Variants in SGCZ observed in about 807,000 individuals in gnomAD.
SGCZ encodes the protein sarcoglycan zeta.
In SGCZ, 40 loss-of-function variants were observed where a neutral mutation model predicts 41.3. That is an observed-to-expected ratio of 0.97 (90% CI 0.75 to 1.26). SGCZ has a LOEUF of 1.26. SGCZ is among the 50% of genes most tolerant of loss of function. The pLI is 0.00. For synonymous variants in SGCZ, 206 were observed against 137.5 expected, an observed-to-expected ratio of 1.50 and a Z score of -3.49; for missense variants, 552 against 369.8, an observed-to-expected ratio of 1.49 and a Z score of -4.04.
At chr8:15,188,630 A>C (rs942725629) in intron 1 of SGCZ, among the ~76,000 whole-genome samples, 12 of 152,200 alleles carry the variant, frequency 7.9e-5, no homozygotes, top group African/African-American at 2.9e-4. Flanking sequence ...GTTTTAAAAA[A>C]CGGATAAGGA....
At chr8:15,093,010 C>T (rs530523713) in intron 1 of SGCZ, among the ~76,000 whole-genome samples, 1 of 152,188 alleles carries the variant, frequency 6.6e-6, no homozygotes, top group Non-Finnish European at 1.5e-5. Flanking sequence ...TTTAGTATCA[C>T]ACTCCCTAGG....
intron 2 of SGCZ, among the ~76,000 whole-genome samples, chr8:14,430,598 G>A (rs1450607219): frequency 6.6e-6 from 1 of 152,032 alleles, no homozygotes; most frequent in Non-Finnish European, 1.5e-5. Context: ...ATACGGAATG[G>A]GGAAAAGTTG....
chr8:14,886,520 G>C (rs1483857882), intron 1 of SGCZ, among the ~76,000 whole-genome samples: 1 of 151,932 alleles, frequency 6.6e-6, no homozygotes, highest in African/African-American at 2.4e-5. Context: ...GGAGGTGAGA[G>C]AACAAATAAT....
At chr8:14,285,036 A>G (rs1800575858) in intron 3 of SGCZ, among the ~76,000 whole-genome samples, 1 of 152,164 alleles carries the variant, frequency 6.6e-6, no homozygotes, top group Non-Finnish European at 1.5e-5. Flanking sequence ...TTGGACAGAT[A>G]GAGTGAGAGA....
At chr8:14,923,005 C>T (rs565719360) in intron 1 of SGCZ, among the ~76,000 whole-genome samples, 2 of 152,314 alleles carry the variant, frequency 1.3e-5, no homozygotes, top group South Asian at 4.1e-4. Context: ...AGCTTCTACA[C>T]ATTAGGTTTT....
intron 1 of SGCZ, among the ~76,000 whole-genome samples, chr8:14,805,270 AAGACAC>A (rs1216991288): frequency 1.1e-5 from 1 of 89,138 alleles, no homozygotes; most frequent in Admixed American, 1.4e-4. Context: ...CTCCAATTAA[AAGACAC>A]AGACTGGCAA....
intron 1 of SGCZ, among the ~76,000 whole-genome samples, chr8:15,218,084 A>G (rs1251196834): frequency 6.6e-6 from 1 of 152,230 alleles, no homozygotes; most frequent in Non-Finnish European, 1.5e-5. Flanking sequence ...TACATAAAAT[A>G]CATGTATTTT....
At chr8:14,249,278 C>A (rs1214932127) in intron 3 of SGCZ, among the ~76,000 whole-genome samples, 1 of 152,136 alleles carries the variant, frequency 6.6e-6, no homozygotes, top group Non-Finnish European at 1.5e-5. Context: ...GGAACTTACA[C>A]CATTGGCGCT....
rs73520216 is a variant in SGCZ, at chr8:14,363,208, T to C, written c.235-39004A>G. On this transcript the variant is annotated intron_variant, in intron 2 of 7. Transcript: ENST00000382080. ...CTTTTGATGCAGACAGGTCCTATAA[T>C]GACACTTTGAAATACATGAGACTTT... Among the ~76,000 whole-genome samples the C allele has an allele frequency of 4.2e-3, 642 of 152,292 alleles. 4 individuals carry two copies. The highest frequency in any genetic ancestry group is 0.015 in the African/African-American group (616 of 41,564).
intron 5 of SGCZ, among the ~76,000 whole-genome samples, chr8:14,111,212 A>G (rs1475978007): frequency 6.6e-6 from 1 of 152,178 alleles, no homozygotes; most frequent in Non-Finnish European, 1.5e-5. Flanking sequence ...ACATCAAATC[A>G]TTTTTTAGTA....
chr8:15,203,875 A>T (rs1337074933), intron 1 of SGCZ, among the ~76,000 whole-genome samples: 1 of 152,206 alleles, frequency 6.6e-6, no homozygotes, highest in East Asian at 1.9e-4. Flanking sequence ...CAAACAATTC[A>T]AATGGATTCA....
chr8:14,845,937 C>A (rs147935769), intron 1 of SGCZ, among the ~76,000 whole-genome samples: 1 of 151,912 alleles, frequency 6.6e-6, no homozygotes, highest in Non-Finnish European at 1.5e-5. Context: ...AGACTATTAG[C>A]GGGGATAAAA....
intron 4 of SGCZ, among the ~76,000 whole-genome samples, chr8:14,237,302 G>C (rs1806797735): frequency 6.6e-6 from 1 of 152,042 alleles, no homozygotes; most frequent in African/African-American, 2.4e-5. Flanking sequence ...CAAATCATGT[G>C]CAAGAAAATT....
chr8:14,175,408 C>T (rs1025375143), intron 4 of SGCZ, among the ~76,000 whole-genome samples: 1 of 151,750 alleles, frequency 6.6e-6, no homozygotes. Flanking sequence ...ATATAAAAAG[C>T]AATAATAATG....
At position 14,966,924 on chromosome 8, in the gene SGCZ, G is replaced by A. The variant is rs571216957; in HGVS notation, c.39+270661C>T. 2.6e-5 allele frequency among the ~76,000 whole-genome samples: 4 copies of A among 152,168 alleles called. No individual in the cohort carries two copies. The South Asian group carries it at 8.3e-4, about 32-fold the overall frequency. On this transcript the variant is annotated intron_variant, in intron 1 of 7. Transcript: ENST00000382080. ...GAACAACTTATTTGAATTTGGGGAG[G>A]GGAGGTACAGAAAAATAAACCAATT...
chr8:15,193,215 G>C (rs1043510099), intron 1 of SGCZ, among the ~76,000 whole-genome samples: 2 of 152,038 alleles, frequency 1.3e-5, no homozygotes, highest in Non-Finnish European at 2.9e-5. Context: ...GATGATAATA[G>C]CATTCACCAA....
chr8:14,730,628 T>C (rs1773309798), intron 1 of SGCZ, among the ~76,000 whole-genome samples: 1 of 149,392 alleles, frequency 6.7e-6, no homozygotes, highest in African/African-American at 2.5e-5. Context: ...TGAGAGCACA[T>C]GGATGTTCGG....
chr8:14,667,755 T>G (rs1807957728), intron 1 of SGCZ, among the ~76,000 whole-genome samples: 1 of 152,124 alleles, frequency 6.6e-6, no homozygotes, highest in Non-Finnish European at 1.5e-5. Flanking sequence ...TTAGAATGAA[T>G]AAAACATGGT....
At chr8:14,607,859 T>C in intron 1 of SGCZ, among the ~76,000 whole-genome samples, 1 of 152,194 alleles carries the variant, frequency 6.6e-6, no homozygotes, top group South Asian at 2.1e-4. Context: ...TTGCACAGTG[T>C]TAGAAGAAGG....
Sources: allele counts gnomAD v4.1 joint callset (sites outside exome capture counted in the v4.1 genomes callset), GRCh38; gene constraint gnomAD v4.1.1; transcripts MANE v1.5; gene names NCBI Gene and HGNC (gene_info 2026-07-23, HGNC 2026-07-21).